The following PCDH15 variants were observed in gnomAD, a reference collection of about 807,000 sequenced individuals.
The protein encoded by PCDH15 is protocadherin-15.
PCDH15 carries 129 observed loss-of-function variants against 178.5 expected under a neutral mutation model. The observed-to-expected ratio is 0.72, with a 90% confidence interval of 0.63 to 0.84. PCDH15 has a LOEUF of 0.84. PCDH15 is among the 40% of genes least tolerant of loss of function. The pLI is 0.00. For missense variants in PCDH15, 2,230 were observed against 2,099.9 expected (o/e 1.06, Z -1.21); for synonymous variants, 800 against 732.0 (o/e 1.09, Z -1.50).
At chr10:54,810,934 T>C (rs953806663) in intron 3 of PCDH15, among the ~76,000 whole-genome samples, 9 of 152,134 alleles carry the variant, frequency 5.9e-5, no homozygotes, top group African/African-American at 1.2e-4. Flanking sequence ...AATAGTATTA[T>C]TCTTCATAAT....
intron 2 of PCDH15, among the ~76,000 whole-genome samples, chr10:55,480,536 C>T (rs1840158071): frequency 6.6e-6 from 1 of 151,334 alleles, no homozygotes; most frequent in African/African-American, 2.4e-5. Flanking sequence ...TTTTTTTTAT[C>T]ATGAAGTGAT....
intron 3 of PCDH15, among the ~76,000 whole-genome samples, chr10:54,884,855 CAAT>C (rs1954326617): frequency 6.6e-6 from 1 of 151,972 alleles, no homozygotes; most frequent in Non-Finnish European, 1.5e-5. Context: ...TTTTCCATTT[CAAT>C]GTTTTAAAAA....
intron 1 of PCDH15, among the ~76,000 whole-genome samples, chr10:55,198,124 G>A (rs1043812064): frequency 4.6e-5 from 7 of 152,110 alleles, no homozygotes; most frequent in African/African-American, 7.3e-5. Flanking sequence ...TGGTTATGAA[G>A]TGTCTTGCAA....
intron 17 of PCDH15, among the ~76,000 whole-genome samples, chr10:54,071,537 A>G (rs1169529613): frequency 6.6e-6 from 1 of 152,156 alleles, no homozygotes; most frequent in Admixed American, 6.5e-5. Context: ...TTTCATGGCT[A>G]GAAAACTATT....
At chr10:54,960,673 G>T (rs1838622675) in intron 2 of PCDH15, among the ~76,000 whole-genome samples, 1 of 152,150 alleles carries the variant, frequency 6.6e-6, no homozygotes, top group Non-Finnish European at 1.5e-5. Flanking sequence ...AAGGTCAAAA[G>T]CTTCTTTTAC....
intron 16 of PCDH15, among the ~76,000 whole-genome samples, chr10:54,089,524 C>T (rs2094565940): frequency 6.6e-6 from 1 of 152,244 alleles, no homozygotes; most frequent in South Asian, 2.1e-4. Context: ...TGATCTAGAC[C>T]TCAAAGAAGT....
chr10:54,629,863 C>T (rs1367199088), intron 2 of PCDH15, among the ~76,000 whole-genome samples: 13 of 151,866 alleles, frequency 8.6e-5, no homozygotes, highest in Admixed American at 8.5e-4. Flanking sequence ...TTGAAAAGGC[C>T]CCTAGAATTG....
intron 11 of PCDH15, 102 bp downstream of exon 11, chr10:54,195,581 C>A (rs1029950624): frequency 3.0e-6 from 3 of 1,003,280 alleles, no homozygotes; most frequent in Non-Finnish European, 4.6e-6. Flanking sequence ...TGACTTAATT[C>A]TCTCTTCTCT....
At chr10:55,472,122 T>A (rs1589058670) in intron 2 of PCDH15, among the ~76,000 whole-genome samples, 1 of 152,188 alleles carries the variant, frequency 6.6e-6, no homozygotes, top group East Asian at 1.9e-4. Context: ...TTGTCTCCAT[T>A]CTCTTACTTT....
chr10:54,653,748 A>G (rs2094315150), intron 2 of PCDH15, among the ~76,000 whole-genome samples: 1 of 152,208 alleles, frequency 6.6e-6, no homozygotes, highest in African/African-American at 2.4e-5. Flanking sequence ...AAATTTCCAT[A>G]TGCTTCTCAA....
At chr10:53,807,226 A>G (rs1841243745) in intron 37 of PCDH15, 96 bp from the exon 38 acceptor site, 1 of 1,020,120 alleles carries the variant, frequency 9.8e-7, no homozygotes, top group Admixed American at 2.9e-5. Flanking sequence ...GACATTTAGA[A>G]AGCTGTCAAA....
chr10:55,137,795 A>G (rs1419749144), intron 2 of PCDH15, among the ~76,000 whole-genome samples: 1 of 152,160 alleles, frequency 6.6e-6, no homozygotes, highest in Non-Finnish European at 1.5e-5. Context: ...TGAGGGTTAT[A>G]GAAAATGAGA....
At chr10:54,392,275 G>A (rs1234989601) in intron 3 of PCDH15, among the ~76,000 whole-genome samples, 1 of 48,928 alleles carries the variant, frequency 2.0e-5, no homozygotes, top group Non-Finnish European at 3.8e-5. Context: ...GGTCAGTCTG[G>A]TCAACATGGC....
At chr10:55,004,477 G>C (rs532556087) in intron 2 of PCDH15, among the ~76,000 whole-genome samples, 3 of 152,228 alleles carry the variant, frequency 2.0e-5, no homozygotes, top group Non-Finnish European at 4.4e-5. Context: ...CAGGCCTCCA[G>C]ATAGTATCAA....
chr10:54,309,318 CAT>C (rs889677775), intron 8 of PCDH15, among the ~76,000 whole-genome samples: 7 of 93,538 alleles, frequency 7.5e-5, no homozygotes, highest in Admixed American at 2.2e-4. Flanking sequence ...TATATACGTA[CAT>C]ACACACACAC....
intron 3 of PCDH15, among the ~76,000 whole-genome samples, chr10:54,856,878 A>T (rs1953750744): frequency 6.6e-6 from 1 of 152,218 alleles, no homozygotes; most frequent in Admixed American, 6.5e-5. Flanking sequence ...TCCAGTGATA[A>T]GAACTGTTGT....
intron 2 of PCDH15, among the ~76,000 whole-genome samples, chr10:55,055,615 C>T (rs572222787): frequency 5.3e-5 from 8 of 152,014 alleles, no homozygotes; most frequent in Admixed American, 2.0e-4. Context: ...CCAATCTGGA[C>T]AACATGTTGA....
chr10:54,848,441 G>A (rs1953552147), intron 3 of PCDH15, among the ~76,000 whole-genome samples: 1 of 151,144 alleles, frequency 6.6e-6, no homozygotes, highest in Admixed American at 6.6e-5. Flanking sequence ...CATAGAACTG[G>A]TGGCTTTTCA....
At chr10:55,346,348 A>T (rs895021224) in intron 2 of PCDH15, among the ~76,000 whole-genome samples, 3 of 152,172 alleles carry the variant, frequency 2.0e-5, no homozygotes, top group Non-Finnish European at 2.9e-5. Flanking sequence ...TTTCTCCTAC[A>T]ATCAGAAATT....
Sources: gnomAD v4.1 joint callset for allele counts (sites outside exome capture counted in the v4.1 genomes callset) on GRCh38, gnomAD v4.1.1 for gene constraint, MANE v1.5 for transcripts, NCBI Gene and HGNC (gene_info 2026-07-23, HGNC 2026-07-21) for gene names.